Variants in USH2A observed in about 807,000 individuals in gnomAD.
USH2A encodes Usher syndrome 2A (autosomal recessive, mild).
USH2A carries 443 observed loss-of-function variants against 538.9 expected under a neutral mutation model. That is an observed-to-expected ratio of 0.82 (90% CI 0.76 to 0.89). The LOEUF (loss-of-function observed/expected upper bound fraction) is 0.89. Ranked by LOEUF, USH2A falls within the 40% of genes least tolerant of loss-of-function variation. The pLI is 0.00. For synonymous variants in USH2A, 2,413 were observed against 2,273.5 expected (o/e 1.06, Z -1.75); for missense variants, 6,633 against 6,324.8 (o/e 1.05, Z -1.65).
intron 14 of USH2A, among the ~76,000 whole-genome samples, chr1:216,223,725 G>C (rs1368775620): frequency 2.0e-5 from 3 of 152,084 alleles, no homozygotes; most frequent in Non-Finnish European, 4.4e-5. Flanking sequence ...ACTGAGGAGA[G>C]GGAATCTATG....
At chr1:216,396,889 G>T (rs1478256976) in intron 3 of USH2A, among the ~76,000 whole-genome samples, 3 of 152,194 alleles carry the variant, frequency 2.0e-5, no homozygotes, top group Non-Finnish European at 4.4e-5. Flanking sequence ...ATCTCCGCCA[G>T]CTCCATCCAA....
chr1:216,086,922 C>A, intron 23 of USH2A, 102 bp from the exon 24 acceptor site: 1 of 844,764 alleles, frequency 1.2e-6, no homozygotes, highest in Non-Finnish European at 2.0e-6. Flanking sequence ...ATACCACTCT[C>A]TTGGTTTTCC....
At chr1:216,404,885 C>G (rs1405419801) in intron 3 of USH2A, among the ~76,000 whole-genome samples, 2 of 151,606 alleles carry the variant, frequency 1.3e-5, no homozygotes, top group Admixed American at 6.6e-5. Flanking sequence ...CAGCCTCCCC[C>G]ATAGGTGGAA....
chr1:216,184,739 TAA>T (rs2034563704), intron 20 of USH2A, among the ~76,000 whole-genome samples: 1 of 151,984 alleles, frequency 6.6e-6, no homozygotes, highest in Admixed American at 6.6e-5. Flanking sequence ...ATTAACATAT[TAA>T]GAGTGCTTGT....
At chr1:215,688,931 A>G (rs2797250) in intron 61 of USH2A, among the ~76,000 whole-genome samples, 57,191 of 151,636 alleles carry the variant, frequency 0.38, 10,985 homozygotes, top group South Asian at 0.56. Context: ...GGAAGGGGTA[A>G]TAGTGGCTTG....
chr1:216,041,634 G>T (rs2030280714), intron 32 of USH2A, among the ~76,000 whole-genome samples: 1 of 152,000 alleles, frequency 6.6e-6, no homozygotes, highest in Admixed American at 6.6e-5. Flanking sequence ...ATATTGTAGA[G>T]GGTAAAACAT....
intron 41 of USH2A, among the ~76,000 whole-genome samples, chr1:215,879,685 A>G (rs1318468598): frequency 6.6e-6 from 1 of 152,232 alleles, no homozygotes; most frequent in African/African-American, 2.4e-5. Context: ...ATGTATAGAA[A>G]GCTTTGAAAA....
chr1:216,307,942 C>T (rs2037348059), intron 9 of USH2A, among the ~76,000 whole-genome samples: 1 of 152,116 alleles, frequency 6.6e-6, no homozygotes. Flanking sequence ...TCTCCTGGAG[C>T]CTGCAGCAGC....
chr1:216,281,528 G>C (rs1319203027), intron 11 of USH2A, among the ~76,000 whole-genome samples: 1 of 151,984 alleles, frequency 6.6e-6, no homozygotes, highest in African/African-American at 2.4e-5. Flanking sequence ...TCTGAGACTT[G>C]AGCACATTTT....
chr1:216,037,831 C>T (rs2030066026), intron 32 of USH2A, among the ~76,000 whole-genome samples: 1 of 150,758 alleles, frequency 6.6e-6, no homozygotes, highest in African/African-American at 2.4e-5. Flanking sequence ...CTAATCCTCT[C>T]CCTCCTGCTA....
intron 13 of USH2A, among the ~76,000 whole-genome samples, chr1:216,237,252 GT>G (rs1462457427): frequency 6.6e-6 from 1 of 151,976 alleles, no homozygotes; most frequent in African/African-American, 2.4e-5. Context: ...TACTACTTGG[GT>G]TTTGAACAAC....
chr1:216,240,812 G>A (rs1039921474), intron 13 of USH2A, among the ~76,000 whole-genome samples: 3 of 152,106 alleles, frequency 2.0e-5, no homozygotes, highest in Non-Finnish European at 4.4e-5. Flanking sequence ...AGGAAATGGA[G>A]GATCCAACAT....
chr1:215,855,761 T>C (rs1041019653), intron 44 of USH2A, among the ~76,000 whole-genome samples: 2 of 151,762 alleles, frequency 1.3e-5, no homozygotes, highest in Non-Finnish European at 2.9e-5. Flanking sequence ...AATCTGGAGG[T>C]AACACATCAC....
Position 216,418,576 on chromosome 1 carries a change from G to C in USH2A, c.589C>G (p.Pro197Ala), listed in dbSNP as rs569456708. 1 of 1,613,264 alleles carries C rather than the reference G, an allele frequency of 6.2e-7. No individual in the cohort carries two copies. The change falls in exon 3 of 72, where the codon CCA becomes GCA. Residue 197 changes from proline to alanine, a missense_variant. Physicochemically the swap from Pro to Ala is conservative, Grantham distance 27 (BLOSUM62 -1). Coordinates refer to ENST00000307340, the MANE Select transcript of USH2A (RefSeq NM_206933.4). ...CTCCCCAGTGTCATTACTTTTATTG[G>C]AGGTTGCAAACCATTTACTGTGCGA... ...YYRTVNGLQPPIKVMTLGRIL... is the reference protein window; with the variant it reads ...YYRTVNGLQPAIKVMTLGRIL...
intron 4 of USH2A, among the ~76,000 whole-genome samples, chr1:216,333,473 G>A (rs919872462): frequency 3.9e-5 from 6 of 151,992 alleles, no homozygotes; most frequent in African/African-American, 1.2e-4. Flanking sequence ...GCTGTGGGAC[G>A]CCATCAAGAG....
chr1:215,956,960 A>AGG (rs1667082752), intron 37 of USH2A, among the ~76,000 whole-genome samples: 1 of 152,192 alleles, frequency 6.6e-6, no homozygotes, highest in African/African-American at 2.4e-5. Flanking sequence ...TTGAAATGAC[A>AGG]GATATCTTAT....
At chr1:215,839,468 G>T (rs1254247163) in intron 46 of USH2A, among the ~76,000 whole-genome samples, 4 of 152,138 alleles carry the variant, frequency 2.6e-5, no homozygotes, top group Admixed American at 1.3e-4. Flanking sequence ...TATCTGAGTT[G>T]TTCTCCACTG....
At chr1:215,756,959 TA>T (rs1275326748) in intron 58 of USH2A, among the ~76,000 whole-genome samples, 1 of 151,488 alleles carries the variant, frequency 6.6e-6, no homozygotes, top group Non-Finnish European at 1.5e-5. Context: ...AATAAATAAA[TA>T]AATAAAATTA....
intron 50 of USH2A, among the ~76,000 whole-genome samples, chr1:215,794,080 T>C (rs1288815107): frequency 2.0e-5 from 3 of 152,182 alleles, no homozygotes; most frequent in Admixed American, 1.3e-4. Flanking sequence ...ATGACACGCA[T>C]GACTTTCATC....
Sources: gnomAD v4.1 joint callset for allele counts (sites outside exome capture counted in the v4.1 genomes callset) on GRCh38, gnomAD v4.1.1 for gene constraint, MANE v1.5 for transcripts, NCBI Gene and HGNC (gene_info 2026-07-23, HGNC 2026-07-21) for gene names.